The following HYDIN variants were observed in gnomAD, a reference collection of about 807,000 sequenced individuals.
HYDIN encodes HYDIN axonemal central pair apparatus protein.
A neutral mutation model predicts 403.9 loss-of-function variants in HYDIN; 132 were observed. The ratio of observed to expected loss-of-function variants is 0.33; its 90% confidence interval spans 0.28 to 0.38. The LOEUF (loss-of-function observed/expected upper bound fraction) is 0.38, where lower values mean the gene tolerates loss of function less well. Among genes scored for constraint, HYDIN ranks in the 10% least tolerant of loss-of-function variants. The pLI, the probability that HYDIN is intolerant of heterozygous loss-of-function variation, is 1.00. For synonymous variants in HYDIN, 1,202 were observed against 1,891.7 expected, an observed-to-expected ratio of 0.64 and a Z score of 9.46; for missense variants, 2,827 against 5,009.5, an observed-to-expected ratio of 0.56 and a Z score of 13.15.
intron 53 of HYDIN, among the ~76,000 whole-genome samples, chr16:70,899,647 G>T (rs1300772794): frequency 6.6e-6 from 1 of 152,256 alleles, no homozygotes; most frequent in African/African-American, 2.4e-5. Flanking sequence ...AGTCAGGTGA[G>T]ATCCTGCCCT....
intron 45 of HYDIN, among the ~76,000 whole-genome samples, chr16:70,928,953 TTTC>T (rs896206119): frequency 7.1e-6 from 1 of 141,820 alleles, no homozygotes; most frequent in African/African-American, 2.6e-5. Context: ...GATGCAAGGC[TTTC>T]TTCTTCTTCA....
chr16:71,131,886 A>G (rs2084725012), intron 8 of HYDIN: 1 of 152,078 alleles, frequency 6.6e-6, no homozygotes, highest in Non-Finnish European at 1.5e-5. Context: ...TTAGGGAATA[A>G]TAAGCAGCCA....
At chr16:70,996,335 G>C (rs2079532150) in intron 23 of HYDIN, among the ~76,000 whole-genome samples, 3 of 152,188 alleles carry the variant, frequency 2.0e-5, no homozygotes, top group African/African-American at 7.2e-5. Context: ...CCCAACCCTT[G>C]CTTCAAGGAG....
chr16:71,098,199 CTTTCTTTTT>C (rs1176802030), intron 10 of HYDIN, among the ~76,000 whole-genome samples: 3 of 133,072 alleles, frequency 2.3e-5, no homozygotes, highest in African/African-American at 8.5e-5. Context: ...ATAAAACTTT[CTTTCTTTTT>C]TTTTTTTTTT....
At chr16:71,127,020 T>C (rs2084492917) in intron 9 of HYDIN, among the ~76,000 whole-genome samples, 1 of 152,104 alleles carries the variant, frequency 6.6e-6, no homozygotes, top group African/African-American at 2.4e-5. Flanking sequence ...TATAGTACTT[T>C]CACAAACGAG....
intron 10 of HYDIN, among the ~76,000 whole-genome samples, chr16:71,097,166 CAAT>C (rs943909285): frequency 7.7e-4 from 95 of 122,888 alleles, no homozygotes; most frequent in Non-Finnish European, 4.3e-4. Context: ...CCAATAACAA[CAAT>C]GATTCAAAGC....
At chr16:71,012,597 G>A (rs576102132) in intron 23 of HYDIN, among the ~76,000 whole-genome samples, 30 of 152,326 alleles carry the variant, frequency 2.0e-4, no homozygotes, top group African/African-American at 5.8e-4. Flanking sequence ...CACACGCACC[G>A]CAGATGTACA....
intron 45 of HYDIN, among the ~76,000 whole-genome samples, chr16:70,928,104 T>TA (rs1445173503): frequency 6.6e-6 from 1 of 152,070 alleles, no homozygotes; most frequent in African/African-American, 2.4e-5. Context: ...GGCATTTAGG[T>TA]AAAAATAAAT....
Position 70,833,948 on chromosome 16 carries a change from C to G in HYDIN, c.13618G>C (p.Val4540Leu). ...DQEHIPFGPV[V>L]YQTQATRRIL... is the part of the protein sequence containing the mutation. ...CGACGTGTGGCTTGCGTCTGATACA[C>G]CACGGGTCCAAAGGGAATATGTTCC... Residue 4540 changes from valine to leucine, a missense_variant, in exon 79 of 86, where the codon GTG (valine) becomes CTG (leucine). Coordinates refer to ENST00000393567, the MANE Select transcript of HYDIN (RefSeq NM_001270974.2). 1 of 1,613,436 alleles carries G rather than the reference C, an allele frequency of 6.2e-7. No individual in the cohort carries two copies. The highest frequency in any genetic ancestry group is 8.5e-7 in the Non-Finnish European group (1 of 1,179,770).
chr16:70,956,069 C>A (rs2078226034), intron 39 of HYDIN, among the ~76,000 whole-genome samples: 1 of 152,174 alleles, frequency 6.6e-6, no homozygotes, highest in African/African-American at 2.4e-5. Flanking sequence ...ATCCACCTGC[C>A]TTGGCCTCCC....
chr16:70,938,393 T>G (rs546391345), intron 44 of HYDIN, among the ~76,000 whole-genome samples: 146 of 152,214 alleles, frequency 9.6e-4, no homozygotes, highest in Non-Finnish European at 1.7e-3. Context: ...TGCCCGCCAG[T>G]GAGAAATAAG....
Position 70,964,871 on chromosome 16 carries a change from T to C in HYDIN, c.5645A>G (p.Asp1882Gly). The C allele has an allele frequency of 6.2e-7, 1 of 1,613,706 alleles. No homozygotes were observed. Among genetic ancestry groups the C allele is most frequent in the Non-Finnish European group, 8.5e-7 (1 of 1,179,880 alleles). ...AGGCAGCAGCAGGGTGTTGTAGGAATCATAGCCCTTCAGCTTCCGCAAGAT... is the reference window on the plus strand; with the variant it reads ...AGGCAGCAGCAGGGTGTTGTAGGAACCATAGCCCTTCAGCTTCCGCAAGAT... ...EKILRKLKGYDSYNTLLLPPR... is the reference protein window; with the variant it reads ...EKILRKLKGYGSYNTLLLPPR... The change falls in exon 37 of 86, where the codon GAT becomes GGT. Residue 1882 changes from aspartate (D) to glycine (G), a missense_variant. Asp to Gly is a moderately conservative substitution (Grantham distance 94). Coordinates refer to ENST00000393567, the MANE Select transcript of HYDIN (RefSeq NM_001270974.2).
intron 84 of HYDIN, among the ~76,000 whole-genome samples, chr16:70,810,886 T>C (rs1296046333): frequency 6.6e-6 from 1 of 151,960 alleles, no homozygotes; most frequent in Non-Finnish European, 1.5e-5. Flanking sequence ...GGTGTTGATG[T>C]TGATGATATT....
At chr16:71,211,029 CAGAG>C (rs1202943062) in intron 1 of HYDIN, among the ~76,000 whole-genome samples, 2 of 151,808 alleles carry the variant, frequency 1.3e-5, no homozygotes, top group Non-Finnish European at 2.9e-5. Context: ...CACACACACA[CAGAG>C]AGATAGAAGT....
At chr16:71,163,560 A>G (rs2086101157) in intron 5 of HYDIN, among the ~76,000 whole-genome samples, 1 of 152,146 alleles carries the variant, frequency 6.6e-6, no homozygotes, top group Admixed American at 6.5e-5. Context: ...GCCAGTTTCA[A>G]GCTGAGACCT....
intron 5 of HYDIN, among the ~76,000 whole-genome samples, chr16:71,172,778 G>C (rs957824367): frequency 6.6e-6 from 1 of 152,222 alleles, no homozygotes; most frequent in African/African-American, 2.4e-5. Context: ...GATGTGAGGA[G>C]AGTAAATGAG....
intron 62 of HYDIN, among the ~76,000 whole-genome samples, chr16:70,878,210 C>G (rs1394913307): frequency 6.6e-6 from 1 of 151,236 alleles, no homozygotes; most frequent in Non-Finnish European, 1.5e-5. Flanking sequence ...CCTGCACAAG[C>G]TCTCTTGCCT....
At chr16:71,194,350 G>A (rs2087588766) in intron 1 of HYDIN, among the ~76,000 whole-genome samples, 1 of 152,192 alleles carries the variant, frequency 6.6e-6, no homozygotes, top group South Asian at 2.1e-4. Context: ...GGCGGAGGTT[G>A]CAGTGAGCCA....
rs533693400 is a variant in HYDIN at position 71,198,072 on chromosome 16, C to T, written c.-23-11154G>A. Among the ~76,000 whole-genome samples, 12 of 152,304 alleles carry T rather than the reference C, an allele frequency of 7.9e-5. No homozygotes were observed. The South Asian group carries it at 2.3e-3, about 29-fold the overall frequency. On this transcript the variant is annotated intron_variant, in intron 1 of 85. Transcript: ENST00000393567. ...CCTTAATTCTCTTTTATGACTTAAG[C>T]ATGCATCCCTTAACATTATACTTTT...
Sources: allele counts gnomAD v4.1 joint callset (sites outside exome capture counted in the v4.1 genomes callset), GRCh38; gene constraint gnomAD v4.1.1; transcripts MANE v1.5; gene names NCBI Gene and HGNC (gene_info 2026-07-23, HGNC 2026-07-21).